EYS: variants seen among roughly 807,000 people sequenced by gnomAD.
EYS encodes the protein protein eyes shut homolog.
A neutral mutation model predicts 282.1 loss-of-function variants in EYS; 250 were observed. The ratio of observed to expected loss-of-function variants is 0.89; its 90% CI spans 0.80 to 0.98. EYS has a LOEUF of 0.98. EYS is among the 50% of genes least tolerant of loss of function. The pLI is 0.00. For missense variants in EYS, 4,016 were observed against 3,709.0 expected, an observed-to-expected ratio of 1.08 and a Z score of -2.15; for synonymous variants, 1,355 against 1,282.9, an observed-to-expected ratio of 1.06 and a Z score of -1.20.
intron 29 of EYS, among the ~76,000 whole-genome samples, chr6:64,355,874 G>A (rs1299723686): frequency 1.3e-5 from 2 of 151,740 alleles, no homozygotes; most frequent in South Asian, 4.1e-4. Flanking sequence ...GAAGTTCTGT[G>A]AAAAGTAAGG....
At chr6:63,770,127 G>T (rs1445599324) in intron 40 of EYS, among the ~76,000 whole-genome samples, 1 of 151,938 alleles carries the variant, frequency 6.6e-6, no homozygotes, top group East Asian at 1.9e-4. Flanking sequence ...TTACCTTAGT[G>T]CCAGGCACCA....
At chr6:65,529,343 T>G (rs1767680460) in intron 2 of EYS, among the ~76,000 whole-genome samples, 1 of 152,158 alleles carries the variant, frequency 6.6e-6, no homozygotes, top group Admixed American at 6.6e-5. Context: ...CTAAAGCAAA[T>G]ATCTGGAGTC....
At chr6:65,188,946 A>G (rs945263271) in intron 12 of EYS, among the ~76,000 whole-genome samples, 23 of 151,610 alleles carry the variant, frequency 1.5e-4, no homozygotes, top group Non-Finnish European at 3.0e-4. Flanking sequence ...GTACAGAACT[A>G]TAAAATAAGG....
chr6:65,040,066 T>C (rs559170049), intron 13 of EYS, among the ~76,000 whole-genome samples: 4 of 151,754 alleles, frequency 2.6e-5, no homozygotes, highest in Non-Finnish European at 5.9e-5. Flanking sequence ...GTTCTCAACT[T>C]CACCATTAAT....
intron 12 of EYS, among the ~76,000 whole-genome samples, chr6:65,256,202 T>C (rs1269180956): frequency 1.3e-5 from 2 of 150,816 alleles, no homozygotes; most frequent in Non-Finnish European, 2.9e-5. Flanking sequence ...GGCAACAACA[T>C]GAATGAAACT....
At position 63,806,803 on chromosome 6, in the gene EYS, A is replaced by C. The variant is rs532252074; in HGVS notation, c.7229-431T>G. The C allele has an allele frequency of 3.8e-3, 580 of 152,856 alleles. 4 individuals carry two copies. Among genetic ancestry groups the C allele is most frequent in the Non-Finnish European group, 4.6e-3 (312 of 68,436 alleles). 9.5% of individuals were successfully genotyped at this position (152,856 alleles called of 1,614,324 possible). On this transcript the variant is annotated intron_variant, in intron 36 of 42. Coordinates refer to ENST00000503581, the MANE Select transcript of EYS (RefSeq NM_001142800.2). ...ACAAACTGTGCTTTTCTAATCCTGC[A>C]CCTTTATCTGAGCCAAAGCCCCAGG...
rs577490456 is a variant in EYS, at chr6:65,100,967, T to C, written c.2024-43240A>G. On this transcript the variant is annotated intron_variant, in intron 12 of 42. Coordinates refer to ENST00000503581, the MANE Select transcript of EYS (RefSeq NM_001142800.2). ...ATTCAAAGATGAAATGAGATACCTT[T>C]GGGAAGTACTGAATTATTCCTCTCT... Among the ~76,000 whole-genome samples, 238 of 151,160 alleles carry C rather than the reference T, an allele frequency of 1.6e-3. 4 individuals are homozygous for C. The highest frequency in any genetic ancestry group is 6.8e-3 in the Middle Eastern group (2 of 294).
At chr6:65,563,475 G>A (rs998251668) in intron 2 of EYS, among the ~76,000 whole-genome samples, 9 of 151,674 alleles carry the variant, frequency 5.9e-5, no homozygotes, top group African/African-American at 1.9e-4. Context: ...ATTTGTTATA[G>A]AAAACCATTC....
intron 19 of EYS, among the ~76,000 whole-genome samples, chr6:64,874,447 T>C (rs1434798621): frequency 1.3e-5 from 2 of 152,142 alleles, no homozygotes; most frequent in Non-Finnish European, 2.9e-5. Context: ...GTATGCAGTA[T>C]GCTCCATACC....
chr6:65,602,669 A>T (rs1452989693), intron 2 of EYS, among the ~76,000 whole-genome samples: 1 of 151,950 alleles, frequency 6.6e-6, no homozygotes. Context: ...TATTTTTGTG[A>T]CATTTGCAGT....
At chr6:65,231,786 G>A (rs1766789177) in intron 12 of EYS, among the ~76,000 whole-genome samples, 1 of 151,716 alleles carries the variant, frequency 6.6e-6, no homozygotes, top group South Asian at 2.1e-4. Flanking sequence ...CTTAGTTACC[G>A]AGAAATATGC....
intron 25 of EYS, 63 bp downstream of exon 25, chr6:64,593,054 A>G: frequency 1.6e-6 from 2 of 1,230,366 alleles, no homozygotes; most frequent in South Asian, 1.8e-5. Context: ...TGCAGAAAAT[A>G]TGCTTTTACC....
intron 35 of EYS, among the ~76,000 whole-genome samples, chr6:63,925,879 C>G (rs183533290): frequency 6.6e-6 from 1 of 152,092 alleles, no homozygotes; most frequent in Non-Finnish European, 1.5e-5. Flanking sequence ...CTCCTGACCT[C>G]GTGATCCGCC....
intron 12 of EYS, among the ~76,000 whole-genome samples, chr6:65,281,091 GT>G (rs758852128): frequency 2.3e-4 from 34 of 148,014 alleles, no homozygotes; most frequent in Admixed American, 2.2e-3. Flanking sequence ...ATTGAGGTAA[GT>G]TTTTTTTGTC....
intron 35 of EYS, among the ~76,000 whole-genome samples, chr6:63,921,112 G>A (rs191163380): frequency 2.0e-3 from 301 of 152,296 alleles, no homozygotes; most frequent in Middle Eastern, 0.01. Flanking sequence ...TAACCAGGAT[G>A]GTCTCACTCT....
chr6:64,805,076 A>G (rs541589985), intron 22 of EYS, among the ~76,000 whole-genome samples: 4 of 152,144 alleles, frequency 2.6e-5, no homozygotes, highest in Admixed American at 6.5e-5. Context: ...TAAAATTTTA[A>G]TCTTATTTTG....
At chr6:63,902,109 G>A (rs146716500) in intron 35 of EYS, among the ~76,000 whole-genome samples, 3 of 152,158 alleles carry the variant, frequency 2.0e-5, no homozygotes, top group East Asian at 3.9e-4. Flanking sequence ...GGCCAGGCTG[G>A]TCTTGAACTC....
At position 65,053,427 on chromosome 6, in the gene EYS, C is replaced by T. The variant is rs73437293; in HGVS notation, c.2137+4187G>A. ...GCTACACATTTTACTCAAAATGAAA[C>T]AGTTATGAATCTAACCTAGTACAAT... On this transcript the variant is annotated intron_variant, in intron 13 of 42. Coordinates refer to ENST00000503581, the MANE Select transcript of EYS (RefSeq NM_001142800.2). Among the ~76,000 whole-genome samples the T allele has an allele frequency of 9.3e-3, 1,394 of 149,562 alleles. 25 individuals carry two copies. Among genetic ancestry groups the T allele is most frequent in the African/African-American group, 0.032 (1,320 of 41,398 alleles).
At chr6:65,019,440 C>T (rs1186528224) in intron 13 of EYS, among the ~76,000 whole-genome samples, 2 of 152,138 alleles carry the variant, frequency 1.3e-5, no homozygotes, top group Non-Finnish European at 2.9e-5. Flanking sequence ...TGGATCCAAA[C>T]CCTTGCTTGA....
Sources: allele counts gnomAD v4.1 joint callset (sites outside exome capture counted in the v4.1 genomes callset), GRCh38; gene constraint gnomAD v4.1.1; transcripts MANE v1.5; gene names NCBI Gene and HGNC (gene_info 2026-07-23, HGNC 2026-07-21).